Variants in BAIAP2 observed in about 807,000 individuals in gnomAD.
BAIAP2 encodes BAR/IMD domain-containing adapter protein 2.
BAIAP2 carries 18 observed loss-of-function variants against 63.0 expected under a neutral mutation model. The observed-to-expected ratio is 0.29, with a 90% CI of 0.20 to 0.42. BAIAP2 has a LOEUF of 0.42. BAIAP2 is among the 10% of genes least tolerant of loss of function. The pLI is 1.00. For missense variants in BAIAP2, 610 were observed against 734.3 expected (o/e 0.83, Z 1.96); for synonymous variants, 386 against 307.6 (o/e 1.25, Z -2.67).
intron 1 of BAIAP2, 156 bp from the exon 2 acceptor site, chr17:81,053,512 G>A (rs925547243): frequency 4.1e-6 from 3 of 739,558 alleles, no homozygotes; most frequent in Admixed American, 2.2e-5. Flanking sequence ...CAGGGGCATG[G>A]CTGGGATTTG....
chr17:81,096,166 C>G (rs558554472), intron 6 of BAIAP2, among the ~76,000 whole-genome samples: 1 of 152,314 alleles, frequency 6.6e-6, no homozygotes, highest in East Asian at 1.9e-4. Flanking sequence ...GGCCGTGGCT[C>G]TGGGCAGCCC....
chr17:81,048,831 G>A (rs547700537), intron 1 of BAIAP2, among the ~76,000 whole-genome samples: 8 of 152,294 alleles, frequency 5.3e-5, no homozygotes, highest in South Asian at 2.1e-4. Flanking sequence ...CTCTGTGGAC[G>A]TCCCAGCAGG....
rs146357701 is a variant in BAIAP2 at position 81,115,802 on chromosome 17, C to A, written c.1568C>A (p.Thr523Lys). ...TTTGCCCACGTCCAGCTGAAGCCGA[C>A]AGTGACCAACGACAGGTCTGCCCCC... ...NPFAHVQLKP[T>K]VTNDRSAPLL... Residue 523 changes from threonine to lysine, a missense_variant, in exon 14 of 14, where the codon ACA (threonine) becomes AAA (lysine). Physicochemically the swap from Thr to Lys is moderately conservative, Grantham distance 78. Coordinates refer to ENST00000428708, the MANE Select transcript of BAIAP2 (RefSeq NM_001144888.2). 8 of 1,613,460 alleles carry A rather than the reference C, an allele frequency of 5.0e-6. No homozygotes were observed. The highest frequency in any genetic ancestry group is 6.8e-6 in the Non-Finnish European group (8 of 1,180,030).
chr17:81,045,523 G>GA (rs1244540052), intron 1 of BAIAP2, among the ~76,000 whole-genome samples: 2 of 152,074 alleles, frequency 1.3e-5, no homozygotes, highest in African/African-American at 4.8e-5. Context: ...CTCCTGGCGG[G>GA]AGGCCACCTG....
intron 5 of BAIAP2, 49 bp downstream of exon 5, chr17:81,085,774 C>A: frequency 2.0e-6 from 3 of 1,484,592 alleles, no homozygotes; most frequent in Non-Finnish European, 1.9e-6. Context: ...TGGGCTCCGG[C>A]TCTCCCAAAT....
intron 1 of BAIAP2, among the ~76,000 whole-genome samples, chr17:81,039,463 G>A (rs1001568865): frequency 3.9e-5 from 6 of 152,230 alleles, no homozygotes; most frequent in African/African-American, 1.4e-4. Flanking sequence ...GTGGCCAGGC[G>A]TTCTGGGATG....
intron 3 of BAIAP2, among the ~76,000 whole-genome samples, chr17:81,074,571 G>T (rs566657560): frequency 6.6e-6 from 1 of 151,292 alleles, no homozygotes. Flanking sequence ...GTTCGTGTGC[G>T]TGCATGGATG....
chr17:81,099,957 C>A lies in BAIAP2; in HGVS notation c.519C>A (p.Gly173=), dbSNP rs144930503. Residue 173 remains glycine (G), a synonymous_variant, in exon 7 of 14, where the codon GGC becomes GGA. Transcript: ENST00000428708. ...QYIDAISNKQ[G]ELENYVSDGY... ...TCGACGCCATCAGCAACAAGCAGGGCGAGCTGGAGAATTACGTGTCCGACG... is the reference window on the plus strand; with the variant it reads ...TCGACGCCATCAGCAACAAGCAGGGAGAGCTGGAGAATTACGTGTCCGACG... The A allele has an allele frequency of 2.5e-6, 4 of 1,613,294 alleles. No homozygotes were observed. The highest frequency in any genetic ancestry group is 3.4e-6 in the Non-Finnish European group (4 of 1,179,940).
intron 1 of BAIAP2, chr17:81,036,881 C>A: frequency 4.6e-6 from 7 of 1,535,920 alleles, no homozygotes; most frequent in Non-Finnish European, 6.1e-6. Context: ...AGAGAAGTAC[C>A]AGCGGAACCT....
chr17:81,104,802 G>C (rs2058924160), intron 10 of BAIAP2, 87 bp downstream of exon 10: 1 of 1,364,712 alleles, frequency 7.3e-7, no homozygotes, highest in Admixed American at 2.2e-5. Flanking sequence ...CTGAGACCTT[G>C]TGTTTAGAGT....
chr17:81,111,643 G>A (rs2059941064), intron 13 of BAIAP2, among the ~76,000 whole-genome samples: 1 of 152,248 alleles, frequency 6.6e-6, no homozygotes, highest in Non-Finnish European at 1.5e-5. Flanking sequence ...CAATTCCAGT[G>A]GGACTCTGGA....
intron 13 of BAIAP2, chr17:81,110,207 A>G (rs560422565): frequency 7.7e-5 from 76 of 985,690 alleles, no homozygotes; most frequent in African/African-American, 3.1e-4. Flanking sequence ...GTGGCCTGGG[A>G]CGTGGCTGGT....
chr17:81,091,300 C>T (rs1207090260), intron 6 of BAIAP2, among the ~76,000 whole-genome samples: 7 of 151,280 alleles, frequency 4.6e-5, no homozygotes, highest in Admixed American at 1.3e-4. Flanking sequence ...CTGCTGGTTG[C>T]AGGGAAAGGG....
At chr17:81,083,588 G>A (rs955961357) in intron 3 of BAIAP2, 1 of 152,228 alleles carries the variant, frequency 6.6e-6, no homozygotes, top group Non-Finnish European at 1.5e-5. Flanking sequence ...GAGGGGCTGT[G>A]GCATGCTTCT....
chr17:81,085,234 G>A (rs574135975), intron 4 of BAIAP2: 35 of 500,764 alleles, frequency 7.0e-5, no homozygotes, highest in African/African-American at 5.8e-4. Flanking sequence ...TGTAGGCAGA[G>A]GCAGACCCCA....
chr17:81,103,776 G>C, intron 8 of BAIAP2, 53 bp downstream of exon 8: 1 of 1,535,104 alleles, frequency 6.5e-7, no homozygotes, highest in Admixed American at 1.8e-5. Context: ...AGGGCAGCTT[G>C]TTGTCAGGGC....
chr17:81,096,563 G>C (rs1012651585), intron 6 of BAIAP2, among the ~76,000 whole-genome samples: 1 of 152,204 alleles, frequency 6.6e-6, no homozygotes, highest in Non-Finnish European at 1.5e-5. Flanking sequence ...GTGTTGCAGG[G>C]GCATGGGTGG....
chr17:81,069,507 G>A (rs1343516364), intron 3 of BAIAP2, among the ~76,000 whole-genome samples: 2 of 152,244 alleles, frequency 1.3e-5, no homozygotes, highest in Non-Finnish European at 2.9e-5. Context: ...CCCCGCTCAT[G>A]CCATGGGACT....
intron 1 of BAIAP2, among the ~76,000 whole-genome samples, chr17:81,045,477 G>A (rs2047676196): frequency 6.6e-6 from 1 of 152,084 alleles, no homozygotes. Context: ...GGTAGGGCAG[G>A]CAGCATGAGG....
Sources: allele counts gnomAD v4.1 joint callset (sites outside exome capture counted in the v4.1 genomes callset), GRCh38; gene constraint gnomAD v4.1.1; transcripts MANE v1.5; gene names NCBI Gene and HGNC (gene_info 2026-07-23, HGNC 2026-07-21).